TMED3: variants seen among roughly 807,000 people sequenced by gnomAD.
The protein encoded by TMED3 is transmembrane emp24 domain-containing protein 3.
A neutral mutation model predicts 15.0 loss-of-function variants in TMED3; 9 were observed. That is an observed-to-expected ratio of 0.60 (90% CI 0.36 to 1.04). The LOEUF (loss-of-function observed/expected upper bound fraction) is 1.04, where lower values mean the gene tolerates loss of function less well. Among genes scored for constraint, TMED3 ranks in the 50% least tolerant of loss-of-function variants. The pLI, the probability that TMED3 is intolerant of heterozygous loss-of-function variation, is 0.01. For synonymous variants in TMED3, 117 were observed against 121.4 expected (o/e 0.96, Z 0.24); for missense variants, 267 against 278.9 (o/e 0.96, Z 0.30).
intron 2 of TMED3, among the ~76,000 whole-genome samples, chr15:79,329,131 G>A (rs2058798149): frequency 6.6e-6 from 1 of 152,204 alleles, no homozygotes; most frequent in African/African-American, 2.4e-5. Flanking sequence ...AAGTTGTCAA[G>A]TATTAGCAAA....
At chr15:79,397,030 G>A (rs8033096) in intron 2 of TMED3, among the ~76,000 whole-genome samples, 17,107 of 152,222 alleles carry the variant, frequency 0.11, 1,152 homozygotes, top group East Asian at 0.2. Flanking sequence ...TGTAAGAGGC[G>A]GGAATGCAGA....
At chr15:79,377,295 T>TGAGA (rs779776384) in intron 2 of TMED3, among the ~76,000 whole-genome samples, 2 of 134,132 alleles carry the variant, frequency 1.5e-5, no homozygotes, top group Admixed American at 7.5e-5. Flanking sequence ...TGTGTGTGTG[T>TGAGA]GTGAGAGAGA....
chr15:79,399,259 C>A (rs777084575), intron 2 of TMED3, among the ~76,000 whole-genome samples: 3 of 152,102 alleles, frequency 2.0e-5, no homozygotes, highest in African/African-American at 7.2e-5. Context: ...CCCAAAATAA[C>A]GTTTGACCAA....
chr15:79,371,083 A>C (rs558211680), intron 2 of TMED3, among the ~76,000 whole-genome samples: 1 of 152,272 alleles, frequency 6.6e-6, no homozygotes, highest in African/African-American at 2.4e-5. Context: ...TAAGTTTTGA[A>C]CTCTAACATA....
At chr15:79,410,981 A>C (rs1380534210) in intron 2 of TMED3, among the ~76,000 whole-genome samples, 1 of 152,208 alleles carries the variant, frequency 6.6e-6, no homozygotes, top group Non-Finnish European at 1.5e-5. Context: ...TATTTGTCTT[A>C]CTGATTTGTA....
At chr15:79,338,126 G>T (rs1213825785) in intron 2 of TMED3, among the ~76,000 whole-genome samples, 1 of 152,106 alleles carries the variant, frequency 6.6e-6, no homozygotes, top group South Asian at 2.1e-4. Context: ...AAATAAATGT[G>T]TTCATGTATA....
chr15:79,389,502 T>C (rs370722005), intron 2 of TMED3, among the ~76,000 whole-genome samples: 3 of 152,154 alleles, frequency 2.0e-5, no homozygotes, highest in East Asian at 1.9e-4. Context: ...GGGCTTATAG[T>C]ATAGTTTGAA....
At chr15:79,400,906 C>T (rs1195572764) in intron 2 of TMED3, among the ~76,000 whole-genome samples, 1 of 152,220 alleles carries the variant, frequency 6.6e-6, no homozygotes, top group African/African-American at 2.4e-5. Flanking sequence ...ACATTGCCTT[C>T]ACTCTTTAAG....
intron 2 of TMED3, among the ~76,000 whole-genome samples, chr15:79,349,581 A>G (rs2058884462): frequency 6.6e-6 from 1 of 152,236 alleles, no homozygotes; most frequent in Non-Finnish European, 1.5e-5. Flanking sequence ...CACTACTGCC[A>G]TAACTGCAAC....
At chr15:79,409,307 A>G (rs918939967) in intron 2 of TMED3, among the ~76,000 whole-genome samples, 2 of 152,158 alleles carry the variant, frequency 1.3e-5, no homozygotes, top group Non-Finnish European at 2.9e-5. Context: ...CAATCTTCCA[A>G]CCAAAGGATG....
intron 2 of TMED3, among the ~76,000 whole-genome samples, chr15:79,338,647 C>G (rs2058836682): frequency 6.6e-6 from 1 of 151,954 alleles, no homozygotes; most frequent in South Asian, 2.1e-4. Flanking sequence ...CTCTTTATTC[C>G]AATATTATAA....
intron 2 of TMED3, among the ~76,000 whole-genome samples, chr15:79,350,278 A>C (rs2058886904): frequency 1.3e-5 from 2 of 152,218 alleles, no homozygotes; most frequent in Non-Finnish European, 2.9e-5. Context: ...GTATATATGA[A>C]AGCGAGTTTA....
At chr15:79,337,892 C>T (rs2058832820) in intron 2 of TMED3, among the ~76,000 whole-genome samples, 1 of 152,170 alleles carries the variant, frequency 6.6e-6, no homozygotes, top group Admixed American at 6.5e-5. Context: ...CAATATAACT[C>T]AAATGCACAT....
intron 2 of TMED3, among the ~76,000 whole-genome samples, chr15:79,407,779 C>G (rs1893920526): frequency 6.6e-6 from 1 of 152,180 alleles, no homozygotes; most frequent in Non-Finnish European, 1.5e-5. Context: ...TGACCCCTGA[C>G]AGGAAACGTT....
chr15:79,407,900 G>A (rs1317988547), intron 2 of TMED3, among the ~76,000 whole-genome samples: 1 of 152,146 alleles, frequency 6.6e-6, no homozygotes, highest in African/African-American at 2.4e-5. Flanking sequence ...GCAAGGAAGT[G>A]GGGCATGCTC....
chr15:79,365,000 G>C (rs897146830), intron 2 of TMED3, among the ~76,000 whole-genome samples: 2 of 152,238 alleles, frequency 1.3e-5, no homozygotes, highest in Non-Finnish European at 2.9e-5. Flanking sequence ...GCGGATGGCA[G>C]GGCTAAAAGG....
chr15:79,322,177 C>A lies in TMED3; in HGVS notation c.617C>A (p.Thr206Lys). 1.2e-6 allele frequency: 2 copies of A among 1,614,176 alleles called. No homozygotes were observed. The highest frequency in any genetic ancestry group is 1.7e-6 in the Non-Finnish European group (2 of 1,180,018). The change falls in exon 3 of 3, where the codon ACA (threonine) becomes AAA (lysine). Residue 206 changes from threonine to lysine, a missense_variant. Physicochemically the swap from Thr to Lys is moderately conservative, Grantham distance 78. Coordinates refer to ENST00000299705, the MANE Select transcript of TMED3 (RefSeq NM_007364.4). Reference protein sequence around the residue: ...SQVLLLKSFFTEKRPISRAVH... With the variant: ...SQVLLLKSFFKEKRPISRAVH... ...GTGCTACTGTTGAAAAGCTTCTTCACAGAAAAACGACCCATCAGCAGGGCA... is the reference window on the plus strand; with the variant it reads ...GTGCTACTGTTGAAAAGCTTCTTCAAAGAAAAACGACCCATCAGCAGGGCA...
At chr15:79,311,490 T>A (rs2141210316) in intron 1 of TMED3, 73 bp downstream of exon 1, 2 of 1,482,132 alleles carry the variant, frequency 1.3e-6, no homozygotes, top group Non-Finnish European at 1.8e-6. Flanking sequence ...GGCTAGCCCC[T>A]GACTGGAGGC....
intron 2 of TMED3, among the ~76,000 whole-genome samples, chr15:79,399,224 A>T (rs1893802276): frequency 6.6e-6 from 1 of 152,080 alleles, no homozygotes; most frequent in Non-Finnish European, 1.5e-5. Flanking sequence ...TCTTAATCTC[A>T]TTCAAAAGCA....
Sources: gnomAD v4.1 joint callset for allele counts (sites outside exome capture counted in the v4.1 genomes callset) on GRCh38, gnomAD v4.1.1 for gene constraint, MANE v1.5 for transcripts, NCBI Gene and HGNC (gene_info 2026-07-23, HGNC 2026-07-21) for gene names.